The following SPANXB1 variants were observed in gnomAD, a reference collection of about 807,000 sequenced individuals.
SPANXB1 encodes sperm protein associated with the nucleus on the X chromosome B1.
In SPANXB1, 1 loss-of-function variant was observed where a neutral mutation model predicts 2.0. That is an observed-to-expected ratio of 0.49 (90% CI 0.18 to 2.34). The LOEUF is 2.34. Ranked by LOEUF, SPANXB1 falls within the 30% of genes most tolerant of loss-of-function variation. SPANXB1 has a pLI of 0.26. For missense variants in SPANXB1, 70 were observed against 87.5 expected, an observed-to-expected ratio of 0.80 and a Z score of 0.80; for synonymous variants, 22 against 35.8, an observed-to-expected ratio of 0.61 and a Z score of 1.38.
In SPANXB1 at chrX:141,002,719, G is replaced by C; in HGVS notation, c.26G>C (p.Arg9Thr). 8.2e-7 allele frequency: 1 copy of C among 1,212,709 alleles called. No individual in the cohort carries two copies. The highest frequency in any genetic ancestry group is 3.0e-5 in the East Asian group (1 of 33,848). ...ATGGGCCAACAATCCAGTGTCCGCA[G>C]GCTGAAGAGGAGCGTCCCCTGTGAA... MGQQSSVRRLKRSVPCESN... is the reference protein window; with the variant it reads MGQQSSVRTLKRSVPCESN... The change falls in exon 1 of 2, where the codon AGG (arginine) becomes ACG (threonine). Residue 9 changes from arginine to threonine, a missense_variant. Around this residue, in one of 3 missense-constraint regions of SPANXB1, gnomAD observed 42 missense variants for 24.9 expected, o/e 1.69. Transcript: ENST00000449283.
At chrX:141,003,012 G>A (rs1286015131) in intron 1 of SPANXB1, among the ~76,000 whole-genome samples, 1 of 113,380 alleles carries the variant, frequency 8.8e-6, no homozygotes, top group Non-Finnish European at 1.9e-5. Context: ...ATGTTCTTAT[G>A]ATCAGGTGGT....
In SPANXB1 at chrX:141,002,773, C is replaced by G. The variant is rs2012329383; in HGVS notation, c.80C>G (p.Ala27Gly). Residue 27 changes from alanine (A) to glycine (G), a missense_variant, in exon 1 of 2, where the codon GCC becomes GGC. This residue lies in a region of SPANXB1 where 42 missense variants were observed against 24.9 expected (regional missense o/e 1.69). Transcript: ENST00000449283. ...AACGAGGCCAACGAGGCCAATGAGG[C>G]CAACAAGACGGTAAGATTGTTAGGT... is the stretch of plus-strand genomic sequence containing the variant. ...ESNEANEANEANKTMPETPTG... is the reference protein window; with the variant it reads ...ESNEANEANEGNKTMPETPTG... 1 of 1,183,466 alleles carries G rather than the reference C, an allele frequency of 8.4e-7. No homozygotes were observed. Among genetic ancestry groups the G allele is most frequent in the Admixed American group, 2.2e-5 (1 of 45,523 alleles).
chrX:141,003,697 G>C lies in SPANXB1; in HGVS notation c.*45G>C. ...AACTTCGGCAATGAAAATAAAGTTT[G>C]AGAAGCTGATGGCTGTGTATATCTC... On this transcript the variant is annotated 3_prime_UTR_variant, in exon 2 of 2. Coordinates refer to ENST00000449283, the MANE Select transcript of SPANXB1 (RefSeq NM_032461.4). The C allele has an allele frequency of 8.3e-7, 1 of 1,210,423 alleles. No homozygotes were observed. Among genetic ancestry groups the C allele is most frequent in the South Asian group, 1.8e-5 (1 of 56,967 alleles).
chrX:141,002,636 T>A lies in SPANXB1; in HGVS notation c.-58T>A. ...AGGGAGGGCAAGAGCTCTGGGCCACTGCGAAGATTCAAAAGCTCCAAAAAC... is the reference window on the plus strand; with the variant it reads ...AGGGAGGGCAAGAGCTCTGGGCCACAGCGAAGATTCAAAAGCTCCAAAAAC... On this transcript the variant is annotated 5_prime_UTR_variant, in exon 1 of 2. Transcript: ENST00000449283. 1 of 1,211,615 alleles carries A rather than the reference T, an allele frequency of 8.3e-7. No homozygotes were observed. Among genetic ancestry groups the A allele is most frequent in the Non-Finnish European group, 1.1e-6 (1 of 894,685 alleles).
At position 141,003,648 on chromosome X, in the gene SPANXB1, A is replaced by T; in HGVS notation, c.308A>T (p.Lys103Met). ...GAAATAACGACTGAAAGACCTAAAAAGTAGCAAGAAGCTACATCCCTCAAA... is the reference window on the plus strand; with the variant it reads ...GAAATAACGACTGAAAGACCTAAAATGTAGCAAGAAGCTACATCCCTCAAA... ...FIEITTERPK[K>M] is the part of the protein sequence containing the mutation. The change falls in exon 2 of 2, where the codon AAG (lysine) becomes ATG (methionine). Residue 103 changes from lysine to methionine, a missense_variant. Lys to Met is a moderately conservative substitution (Grantham distance 95). Coordinates refer to ENST00000449283, the MANE Select transcript of SPANXB1 (RefSeq NM_032461.4). 2 of 1,211,266 alleles carry T rather than the reference A, an allele frequency of 1.7e-6. No homozygotes were observed. The highest frequency in any genetic ancestry group is 2.2e-6 in the Non-Finnish European group (2 of 894,395).
Position 141,003,634 on chromosome X carries a change from T to C in SPANXB1, c.294T>C (p.Thr98=). 1 of 1,211,098 alleles carries C rather than the reference T, an allele frequency of 8.3e-7. No homozygotes were observed. Among genetic ancestry groups the C allele is most frequent in the Non-Finnish European group, 1.1e-6 (1 of 894,334 alleles). The change falls in exon 2 of 2, where the codon ACT becomes ACC. Residue 98 remains threonine (T), a synonymous_variant. Coordinates refer to ENST00000449283, the MANE Select transcript of SPANXB1 (RefSeq NM_032461.4). ...AGGAGGAATTCATAGAAATAACGAC[T>C]GAAAGACCTAAAAAGTAGCAAGAAG... ...MEEEEFIEIT[T]ERPKK is the part of the protein sequence containing the mutation.
intron 1 of SPANXB1, among the ~76,000 whole-genome samples, chrX:141,003,226 C>T (rs1278995586): frequency 1.8e-5 from 2 of 113,294 alleles, no homozygotes; most frequent in African/African-American, 3.2e-5. Context: ...CAAAATGGTG[C>T]AGTTTGGACT....
In SPANXB1 at chrX:141,002,745, TCCAACGAGG is replaced by T. The variant is rs1259923760; in HGVS notation, c.66_74del (p.Glu26_Asn28del). The T allele has an allele frequency of 1.6e-3, 1,970 of 1,204,113 alleles. No homozygotes were observed. In the East Asian group the frequency reaches 0.042, roughly 26 times the overall value. Reference sequence around the variant, plus strand: ...GCTGAAGAGGAGCGTCCCCTGTGAATCCAACGAGGCCAACGAGGCCAATGAGGCCAACAA... The same window carrying T: ...GCTGAAGAGGAGCGTCCCCTGTGAATCCAACGAGGCCAATGAGGCCAACAA... On this transcript the variant is annotated inframe_deletion, in exon 1 of 2. Transcript: ENST00000449283.
At position 141,003,623 on chromosome X, in the gene SPANXB1, G is replaced by C. The variant is rs1402057762; in HGVS notation, c.283G>C (p.Glu95Gln). 8.3e-7 allele frequency: 1 copy of C among 1,210,747 alleles called. No homozygotes were observed. Among genetic ancestry groups the C allele is most frequent in the Non-Finnish European group, 1.1e-6 (1 of 894,315 alleles). ...CCAAATGGAGGAGGAGGAATTCATA[G>C]AAATAACGACTGAAAGACCTAAAAA... ...PDQMEEEEFI[E>Q]ITTERPKK The change falls in exon 2 of 2, where the codon GAA becomes CAA. Residue 95 changes from glutamate (E) to glutamine (Q), a missense_variant. Transcript: ENST00000449283.
Position 141,003,578 on chromosome X carries a change from G to C in SPANXB1, c.238G>C (p.Glu80Gln), listed in dbSNP as rs1254927904. The C allele has an allele frequency of 6.6e-6, 8 of 1,212,153 alleles. No homozygotes were observed. The South Asian group carries it at 1.4e-4, about 21-fold the overall frequency. ...GGAACTGCTGAATGACCACGCCCGA[G>C]AGAACAGAATCAACCCCGACCAAAT... ...PEELLNDHAR[E>Q]NRINPDQMEE... is the part of the protein sequence containing the mutation. The change falls in exon 2 of 2, where the codon GAG (glutamate) becomes CAG (glutamine). Residue 80 changes from glutamate to glutamine, a missense_variant. By Grantham distance (29) the Glu-to-Gln change is conservative. Transcript: ENST00000449283.
chrX:141,003,634 T>G lies in SPANXB1; in HGVS notation c.294T>G (p.Thr98=), dbSNP rs2012354978. The change falls in exon 2 of 2, where the codon ACT becomes ACG. Residue 98 remains threonine (T), a synonymous_variant. Transcript: ENST00000449283. ...AGGAGGAATTCATAGAAATAACGAC[T>G]GAAAGACCTAAAAAGTAGCAAGAAG... is the stretch of plus-strand genomic sequence containing the variant. ...MEEEEFIEIT[T]ERPKK 1 of 1,211,089 alleles carries G rather than the reference T, an allele frequency of 8.3e-7. No individual in the cohort carries two copies. The highest frequency in any genetic ancestry group is 1.1e-6 in the Non-Finnish European group (1 of 894,333).
chrX:141,002,724 A>G lies in SPANXB1; in HGVS notation c.31A>G (p.Lys11Glu), dbSNP rs1286687790. 5.1e-5 allele frequency: 62 copies of G among 1,212,713 alleles called. No homozygotes were observed. Among genetic ancestry groups the G allele is most frequent in the Non-Finnish European group, 5.9e-5 (53 of 895,513 alleles). ...CCAACAATCCAGTGTCCGCAGGCTG[A>G]AGAGGAGCGTCCCCTGTGAATCCAA... is the stretch of plus-strand genomic sequence containing the variant. The part of the protein sequence containing the change: MGQQSSVRRL[K>E]RSVPCESNEA... Residue 11 changes from lysine to glutamate, a missense_variant, in exon 1 of 2, where the codon AAG (lysine) becomes GAG (glutamate). Lys to Glu is a moderately conservative substitution (Grantham distance 56). This residue lies in a region of SPANXB1 where 42 missense variants were observed against 24.9 expected (regional missense o/e 1.69). Transcript: ENST00000449283.
chrX:141,002,692 C>A lies in SPANXB1; in HGVS notation c.-2C>A. 2.5e-6 allele frequency: 3 copies of A among 1,212,697 alleles called. No individual in the cohort carries two copies. The Admixed American group carries it at 6.5e-5, about 26-fold the overall frequency. ...GTAGACATCGAAGAACCAATATATA[C>A]AATGGGCCAACAATCCAGTGTCCGC... On this transcript the variant is annotated 5_prime_UTR_variant, in exon 1 of 2. Transcript: ENST00000449283.
At chrX:141,002,949 G>C (rs2012334389) in intron 1 of SPANXB1, among the ~76,000 whole-genome samples, 166 bp downstream of exon 1, 1 of 113,802 alleles carries the variant, frequency 8.8e-6, no homozygotes, top group Non-Finnish European at 1.9e-5. Flanking sequence ...TTGTAGGTAG[G>C]GGTGGGAGGG....
chrX:141,002,661 C>T lies in SPANXB1; in HGVS notation c.-33C>T, dbSNP rs1391650349. On this transcript the variant is annotated 5_prime_UTR_variant, in exon 1 of 2. Coordinates refer to ENST00000449283, the MANE Select transcript of SPANXB1 (RefSeq NM_032461.4). ...TGCGAAGATTCAAAAGCTCCAAAAACCTACTGTAGACATCGAAGAACCAAT... is the reference window on the plus strand; with the variant it reads ...TGCGAAGATTCAAAAGCTCCAAAAATCTACTGTAGACATCGAAGAACCAAT... The T allele has an allele frequency of 1.6e-5, 19 of 1,211,737 alleles. No individual in the cohort carries two copies. The African/African-American group carries it at 2.9e-4, about 19-fold the overall frequency.
chrX:141,003,529 G>A lies in SPANXB1; in HGVS notation c.189G>A (p.Arg63=). 8.2e-7 allele frequency: 1 copy of A among 1,212,935 alleles called. No homozygotes were observed. Residue 63 remains arginine, a synonymous_variant, in exon 2 of 2, where the codon AGG becomes AGA. Coordinates refer to ENST00000449283, the MANE Select transcript of SPANXB1 (RefSeq NM_032461.4). ...SSTILVVRYR[R]NVKRTSPEEL... is the part of the protein sequence containing the mutation. Reference sequence around the variant, plus strand: ...CCATACTAGTGGTTCGCTACAGGAGGAACGTGAAAAGAACATCTCCAGAGG... The same window carrying A: ...CCATACTAGTGGTTCGCTACAGGAGAAACGTGAAAAGAACATCTCCAGAGG...
rs1170933122 is a variant in SPANXB1, at chrX:141,003,255, C to T, written c.91-176C>T. ...TTGGACTCACAGGTGACCCTACCCACGCTCCTCTTCTTCTTCCCCATAGAT... is the reference window on the plus strand; with the variant it reads ...TTGGACTCACAGGTGACCCTACCCATGCTCCTCTTCTTCTTCCCCATAGAT... On this transcript the variant is annotated intron_variant, in intron 1 of 1. Transcript: ENST00000449283. 5.7e-4 allele frequency among the ~76,000 whole-genome samples: 64 copies of T among 112,536 alleles called. No homozygotes were observed. The Middle Eastern group carries it at 0.014, about 25-fold the overall frequency.
intron 1 of SPANXB1, among the ~76,000 whole-genome samples, chrX:141,003,193 T>C (rs1210023234): frequency 4.6e-4 from 51 of 111,966 alleles, no homozygotes; most frequent in African/African-American, 1.5e-3. Context: ...TTGACCAAGG[T>C]CTGCAAAATA....
rs2012324007 is a variant in SPANXB1, at chrX:141,002,666, T to G, written c.-28T>G. 7 of 1,212,564 alleles carry G rather than the reference T, an allele frequency of 5.8e-6. No individual in the cohort carries two copies. The highest frequency in any genetic ancestry group is 6.7e-6 in the Non-Finnish European group (6 of 895,473). On this transcript the variant is annotated 5_prime_UTR_variant, in exon 1 of 2. Coordinates refer to ENST00000449283, the MANE Select transcript of SPANXB1 (RefSeq NM_032461.4). ...AGATTCAAAAGCTCCAAAAACCTAC[T>G]GTAGACATCGAAGAACCAATATATA...
Sources: allele counts gnomAD v4.1 joint callset (sites outside exome capture counted in the v4.1 genomes callset), GRCh38; gene constraint gnomAD v4.1.1; regional missense constraint gnomAD v4.1.1; transcripts MANE v1.5; gene names NCBI Gene and HGNC (gene_info 2026-07-23, HGNC 2026-07-21).